The following SGCD variants were observed in gnomAD, a reference collection of about 807,000 sequenced individuals.
SGCD encodes the protein sarcoglycan delta, also known as delta-sarcoglycan.
SGCD carries 18 observed loss-of-function variants against 36.6 expected under a neutral mutation model. The ratio of observed to expected loss-of-function variants is 0.49; its 90% CI spans 0.34 to 0.73. The LOEUF (loss-of-function observed/expected upper bound fraction) is 0.73, where lower values mean the gene tolerates loss of function less well. Among genes scored for constraint, SGCD ranks in the 30% least tolerant of loss-of-function variants. The probability of loss-of-function intolerance (pLI) is 0.01; values close to 1 mark genes in which losing one functional copy is unlikely to be tolerated. For missense variants in SGCD, 387 were observed against 346.7 expected, an observed-to-expected ratio of 1.12 and a Z score of -0.92; for synonymous variants, 133 against 130.6, an observed-to-expected ratio of 1.02 and a Z score of -0.12.
At chr5:156,441,116 C>T (rs1238096782) in intron 3 of SGCD, among the ~76,000 whole-genome samples, 3 of 152,058 alleles carry the variant, frequency 2.0e-5, no homozygotes, top group East Asian at 3.9e-4. Flanking sequence ...TGGTAGGTGG[C>T]GTCAGGAGCA....
At chr5:155,771,272 A>C in the SGCD span, among the ~76,000 whole-genome samples, 1 of 151,850 alleles carries the variant, frequency 6.6e-6, no homozygotes, top group Non-Finnish European at 1.5e-5. Flanking sequence ...TTTTTAACAC[A>C]GTGCCTTGTT....
intron 1 of SGCD, among the ~76,000 whole-genome samples, chr5:156,052,089 C>T (rs992020223): frequency 6.8e-6 from 1 of 146,164 alleles, no homozygotes; most frequent in African/African-American, 2.5e-5. Flanking sequence ...CAGGGATCCT[C>T]CATAAGTCCA....
chr5:155,974,571 A>G (rs1388138395), intron 1 of SGCD, among the ~76,000 whole-genome samples: 1 of 150,794 alleles, frequency 6.6e-6, no homozygotes, highest in African/African-American at 2.4e-5. Context: ...CCATGTAGTC[A>G]GCGATGTCTG....
chr5:156,473,732 G>C (rs1420954075), intron 3 of SGCD, among the ~76,000 whole-genome samples: 1 of 152,110 alleles, frequency 6.6e-6, no homozygotes, highest in African/African-American at 2.4e-5. Flanking sequence ...CTTCACCCTG[G>C]GGATATGGTG....
intron 1 of SGCD, among the ~76,000 whole-genome samples, chr5:155,880,421 G>C (rs1240735500): frequency 6.6e-6 from 1 of 152,164 alleles, no homozygotes; most frequent in African/African-American, 2.4e-5. Flanking sequence ...GCTTCCCACA[G>C]ATGTGGAGAT....
chr5:155,990,516 T>C (rs890774255), intron 1 of SGCD, among the ~76,000 whole-genome samples: 1 of 152,172 alleles, frequency 6.6e-6, no homozygotes, highest in Non-Finnish European at 1.5e-5. Flanking sequence ...TCCACATGAA[T>C]TGAGGATGAA....
At chr5:155,877,360 T>C (rs548396195) in intron 1 of SGCD, among the ~76,000 whole-genome samples, 99 of 152,190 alleles carry the variant, frequency 6.5e-4, no homozygotes, top group Non-Finnish European at 1.1e-3. Context: ...TGTCTAGCAA[T>C]AGGATTTGGA....
intron 1 of SGCD, among the ~76,000 whole-genome samples, chr5:156,032,899 A>G (rs1759386192): frequency 6.6e-6 from 1 of 151,382 alleles, no homozygotes; most frequent in Admixed American, 6.6e-5. Flanking sequence ...GGGAGACCCT[A>G]TCTCTACACA....
intron 1 of SGCD, among the ~76,000 whole-genome samples, chr5:155,921,523 G>C (rs964383654): frequency 3.3e-5 from 5 of 151,960 alleles, no homozygotes; most frequent in Admixed American, 6.6e-5. Flanking sequence ...AGTGGGCTGA[G>C]ACTCTGGAAA....
At chr5:156,536,065 A>G (rs2113124284) in intron 4 of SGCD, among the ~76,000 whole-genome samples, 1 of 152,276 alleles carries the variant, frequency 6.6e-6, no homozygotes, top group Middle Eastern at 3.4e-3. Context: ...TCACTTTGAT[A>G]ATGGGGATAT....
chr5:156,061,168 C>T (rs989964790), intron 1 of SGCD, among the ~76,000 whole-genome samples: 1 of 139,112 alleles, frequency 7.2e-6, no homozygotes, highest in Non-Finnish European at 1.5e-5. Flanking sequence ...GTAAAAATTG[C>T]AACTATTTTT....
chr5:156,313,807 C>A (rs937927447), intron 3 of SGCD, among the ~76,000 whole-genome samples: 2 of 152,002 alleles, frequency 1.3e-5, no homozygotes, highest in Non-Finnish European at 2.9e-5. Context: ...AATGTAGACT[C>A]CACAATTGGA....
intron 3 of SGCD, among the ~76,000 whole-genome samples, chr5:156,302,381 C>T (rs964185331): frequency 1.3e-5 from 2 of 151,946 alleles, no homozygotes; most frequent in Non-Finnish European, 2.9e-5. Flanking sequence ...TTTAATCTCT[C>T]TCTTACATTT....
the SGCD span, among the ~76,000 whole-genome samples, chr5:155,816,601 C>G: frequency 6.6e-6 from 1 of 152,090 alleles, no homozygotes; most frequent in Non-Finnish European, 1.5e-5. Context: ...GTTCAAGGGT[C>G]AACTGTAATT....
At chr5:155,892,932 G>A (rs1343658157) in intron 1 of SGCD, among the ~76,000 whole-genome samples, 1 of 152,212 alleles carries the variant, frequency 6.6e-6, no homozygotes, top group Non-Finnish European at 1.5e-5. Context: ...AGAGAGCAGA[G>A]TAGTGGTTAC....
intron 6 of SGCD, among the ~76,000 whole-genome samples, chr5:156,599,433 G>T (rs72801160): frequency 0.068 from 10,355 of 152,198 alleles, 384 homozygotes; most frequent in South Asian, 0.1. Context: ...ATAAGTAAAT[G>T]CTATGTAAAA....
rs1754910916 is a variant in SGCD at position 156,470,498 on chromosome 5, C to T, written c.193-38103C>T. Among the ~76,000 whole-genome samples the T allele has an allele frequency of 3.3e-5, 5 of 151,980 alleles. No individual in the cohort carries two copies. In the South Asian group the frequency reaches 1.0e-3, roughly 32 times the overall value. ...CCTAATGCTATCCCTCCCCCCTACC[C>T]CCACCCCACCACAGTCCCCAGAGTG... On this transcript the variant is annotated intron_variant, in intron 3 of 8. Coordinates refer to ENST00000337851, the MANE Select transcript of SGCD (RefSeq NM_000337.6).
intron 1 of SGCD, among the ~76,000 whole-genome samples, chr5:156,110,394 A>G (rs1761753762): frequency 6.6e-6 from 1 of 152,108 alleles, no homozygotes; most frequent in Non-Finnish European, 1.5e-5. Context: ...TTAGATTTCT[A>G]CTTTAACTTA....
intron 1 of SGCD, among the ~76,000 whole-genome samples, chr5:156,007,849 C>T (rs150939498): frequency 6.6e-6 from 1 of 152,174 alleles, no homozygotes; most frequent in Non-Finnish European, 1.5e-5. Context: ...AGAATACATT[C>T]TTTTAATGTC....
Sources: gnomAD v4.1 joint callset for allele counts (sites outside exome capture counted in the v4.1 genomes callset) on GRCh38, gnomAD v4.1.1 for gene constraint, MANE v1.5 for transcripts, NCBI Gene and HGNC (gene_info 2026-07-23, HGNC 2026-07-21) for gene names.